Variants in NDNF observed in about 807,000 individuals in gnomAD.
NDNF encodes the protein neuron derived neurotrophic factor, also known as protein NDNF.
Under a neutral mutation model 42.0 loss-of-function variants are expected in NDNF, and 16 were observed. The observed-to-expected ratio is 0.38, with a 90% CI of 0.26 to 0.58. The LOEUF (loss-of-function observed/expected upper bound fraction) is 0.58. Among genes scored for constraint, NDNF ranks in the 20% least tolerant of loss-of-function variants. The pLI is 0.67. For synonymous variants in NDNF, 248 were observed against 251.7 expected, an observed-to-expected ratio of 0.99 and a Z score of 0.14; for missense variants, 616 against 666.2, an observed-to-expected ratio of 0.92 and a Z score of 0.83.
chr4:121,064,945 G>A (rs765764084), intron 1 of NDNF, among the ~76,000 whole-genome samples: 1 of 152,044 alleles, frequency 6.6e-6, no homozygotes, highest in Non-Finnish European at 1.5e-5. Flanking sequence ...TATTTTTAGA[G>A]ATGGGGTCTC....
intron 1 of NDNF, among the ~76,000 whole-genome samples, chr4:121,070,746 A>G (rs1186946252): frequency 3.9e-5 from 6 of 152,182 alleles, no homozygotes; most frequent in Admixed American, 6.5e-5. Flanking sequence ...GAAGGAAAAA[A>G]CATAACAACA....
chr4:121,071,966 G>C (rs1727613240), intron 1 of NDNF, 27 bp downstream of exon 1: 1 of 152,030 alleles, frequency 6.6e-6, no homozygotes, highest in East Asian at 1.9e-4. Context: ...CGGGTCTCTG[G>C]GGCATTGCTT....
chr4:121,038,451 C>A (rs1442251518), intron 3 of NDNF, among the ~76,000 whole-genome samples: 1 of 151,218 alleles, frequency 6.6e-6, no homozygotes, highest in Admixed American at 6.6e-5. Context: ...AGAACGTGCA[C>A]CCAGGAATAA....
intron 1 of NDNF, among the ~76,000 whole-genome samples, chr4:121,067,515 T>C (rs1057232644): frequency 1.3e-5 from 2 of 152,214 alleles, no homozygotes; most frequent in East Asian, 3.8e-4. Context: ...CTTGAAAGTT[T>C]CTATACTTTT....
chr4:121,048,380 C>T (rs999381103), intron 1 of NDNF, among the ~76,000 whole-genome samples: 1 of 152,204 alleles, frequency 6.6e-6, no homozygotes, highest in African/African-American at 2.4e-5. Flanking sequence ...AAGCTGCCAA[C>T]CACGGTGCCA....
chr4:121,041,798 T>C (rs1177219598), intron 2 of NDNF, among the ~76,000 whole-genome samples: 1 of 152,030 alleles, frequency 6.6e-6, no homozygotes, highest in Non-Finnish European at 1.5e-5. Flanking sequence ...TACATGTGAG[T>C]TGGGGCAAAG....
intron 2 of NDNF, among the ~76,000 whole-genome samples, chr4:121,045,063 T>C (rs1246158368): frequency 6.6e-6 from 1 of 152,216 alleles, no homozygotes; most frequent in Non-Finnish European, 1.5e-5. Flanking sequence ...AATATCCTAC[T>C]GTACTGAGGC....
chr4:121,065,439 C>T (rs1447102696), intron 1 of NDNF, among the ~76,000 whole-genome samples: 2 of 151,714 alleles, frequency 1.3e-5, no homozygotes, highest in African/African-American at 2.4e-5. Flanking sequence ...GGGCAACCTT[C>T]GATTGTTTAA....
intron 3 of NDNF, among the ~76,000 whole-genome samples, chr4:121,039,192 GTATATATATATATATATATA>G: frequency 9.3e-5 from 2 of 21,552 alleles, no homozygotes; most frequent in Non-Finnish European, 1.8e-4. Context: ...GTGTGTGTGT[GTATATATATATATATATATA>G]TATATATATA....
At chr4:121,066,782 A>G (rs944897227) in intron 1 of NDNF, among the ~76,000 whole-genome samples, 1 of 152,222 alleles carries the variant, frequency 6.6e-6, no homozygotes, top group Admixed American at 6.5e-5. Context: ...AAGACAAGAT[A>G]TGGTGATTTT....
At position 121,053,425 on chromosome 4, in the gene NDNF, G is replaced by T. The variant is rs973835628; in HGVS notation, c.-1-7587C>A. On this transcript the variant is annotated intron_variant, in intron 1 of 3. Coordinates refer to ENST00000379692, the MANE Select transcript of NDNF (RefSeq NM_024574.4). ...ATCAGAATTACTTCAAAGAGGATCAGATTTTAAAGTAAGTAATCTTGTATT... is the reference window on the plus strand; with the variant it reads ...ATCAGAATTACTTCAAAGAGGATCATATTTTAAAGTAAGTAATCTTGTATT... Among the ~76,000 whole-genome samples, 5 of 152,284 alleles carry T rather than the reference G, an allele frequency of 3.3e-5. No homozygotes were observed. The South Asian group carries it at 6.2e-4, about 19-fold the overall frequency.
At chr4:121,044,699 T>G (rs894890781) in intron 2 of NDNF, among the ~76,000 whole-genome samples, 7 of 152,190 alleles carry the variant, frequency 4.6e-5, no homozygotes, top group Non-Finnish European at 4.4e-5. Flanking sequence ...GTGTGGTGTC[T>G]CATGCCTGTA....
At chr4:121,040,260 AG>A (rs1351831032) in intron 2 of NDNF, among the ~76,000 whole-genome samples, 1 of 152,234 alleles carries the variant, frequency 6.6e-6, no homozygotes, top group African/African-American at 2.4e-5. Flanking sequence ...TAACTGTGGA[AG>A]TCCAACAGCC....
rs33923314 is a variant in NDNF, at chr4:121,040,780, CT to C, written c.189-727del. On this transcript the variant is annotated intron_variant, in intron 2 of 3. Coordinates refer to ENST00000379692, the MANE Select transcript of NDNF (RefSeq NM_024574.4). ...ACCTCAGTTTCCTGAGTAGCTGGGA[CT>C]GCAGGCGTGTGCCACCATATCTGGC... Among the ~76,000 whole-genome samples, 599 of 152,292 alleles carry C rather than the reference CT, an allele frequency of 3.9e-3. 6 individuals carry two copies. Among genetic ancestry groups the C allele is most frequent in the African/African-American group, 0.014 (577 of 41,564 alleles).
At chr4:121,054,133 C>A (rs1026261761) in intron 1 of NDNF, among the ~76,000 whole-genome samples, 1 of 152,060 alleles carries the variant, frequency 6.6e-6, no homozygotes, top group Non-Finnish European at 1.5e-5. Flanking sequence ...TCTTAGGATA[C>A]CAAAACCTAA....
At position 121,036,147 on chromosome 4, in the gene NDNF, T is replaced by C. The variant is rs1261341416; in HGVS notation, c.*117A>G. 1.2e-6 allele frequency: 1 copy of C among 812,848 alleles called. No homozygotes were observed. The highest frequency in any genetic ancestry group is 2.0e-6 in the Non-Finnish European group (1 of 506,132). The allele number at this position is 812,848 out of a possible 1,614,324, so 50.4% of individuals were successfully genotyped here. On this transcript the variant is annotated 3_prime_UTR_variant, in exon 4 of 4. Transcript: ENST00000379692. ...ATATACACACGTTGATATCCTTCCT[T>C]CCATAGTACAAGTACAGGTCACAAC...
intron 1 of NDNF, among the ~76,000 whole-genome samples, chr4:121,058,837 C>T (rs1470965512): frequency 6.6e-6 from 1 of 152,128 alleles, no homozygotes; most frequent in East Asian, 1.9e-4. Context: ...ACAGTACTGA[C>T]ACTGGCATCT....
rs143875438 is a variant in NDNF, at chr4:121,036,593, G to A, written c.1378C>T (p.Arg460Cys). ...DTRIKAFDKL[R>C]TCSSATVAWL... ...GCCACGGTGGCTGAGGAACAGGTAC[G>A]GAGCTTGTCAAAGGCTTTGATTCTT... The change falls in exon 4 of 4, where the codon CGT (arginine) becomes TGT (cysteine). Residue 460 changes from arginine to cysteine, a missense_variant. Physicochemically the swap from Arg to Cys is radical, Grantham distance 180 (BLOSUM62 -3). Coordinates refer to ENST00000379692, the MANE Select transcript of NDNF (RefSeq NM_024574.4). 66 of 1,614,004 alleles carry A rather than the reference G, an allele frequency of 4.1e-5. No individual in the cohort carries two copies. Among genetic ancestry groups the A allele is most frequent in the African/African-American group, 2.3e-4 (17 of 74,920 alleles).
At chr4:121,053,884 T>G (rs925425418) in intron 1 of NDNF, among the ~76,000 whole-genome samples, 4 of 152,160 alleles carry the variant, frequency 2.6e-5, no homozygotes, top group African/African-American at 9.7e-5. Flanking sequence ...TGTGCAACAT[T>G]CCCCAAAGCA....
Sources: gnomAD v4.1 joint callset for allele counts (sites outside exome capture counted in the v4.1 genomes callset) on GRCh38, gnomAD v4.1.1 for gene constraint, MANE v1.5 for transcripts, NCBI Gene and HGNC (gene_info 2026-07-23, HGNC 2026-07-21) for gene names.